The following MPHOSPH8 variants were observed in gnomAD, a reference collection of about 807,000 sequenced individuals.
The protein encoded by MPHOSPH8 is M-phase phosphoprotein 8.
MPHOSPH8 carries 45 observed loss-of-function variants against 87.3 expected under a neutral mutation model. The observed-to-expected ratio is 0.52, with a 90% confidence interval of 0.41 to 0.66. The LOEUF is 0.66. Among genes scored for constraint, MPHOSPH8 ranks in the 30% least tolerant of loss-of-function variants. MPHOSPH8 has a pLI of 0.00. For missense variants in MPHOSPH8, 883 were observed against 1,020.2 expected (o/e 0.87, Z 1.83); for synonymous variants, 366 against 376.9 (o/e 0.97, Z 0.33).
intron 10 of MPHOSPH8, 21 bp from the exon 11 acceptor site, chr13:19,668,356 C>T (rs201254827): frequency 1.1e-5 from 18 of 1,606,620 alleles, no homozygotes; most frequent in Middle Eastern, 3.4e-4. Context: ...AACGTTAACA[C>T]GTACTATTTT....
chr13:19,658,944 T>G (rs575643151), intron 5 of MPHOSPH8, 51 bp from the exon 6 acceptor site: 1 of 1,583,722 alleles, frequency 6.3e-7, no homozygotes, highest in East Asian at 2.2e-5. Context: ...ACATTGTGGG[T>G]TTTTTATACT....
At chr13:19,659,421 T>C (rs1423285654) in intron 7 of MPHOSPH8, 132 bp downstream of exon 7, 4 of 734,498 alleles carry the variant, frequency 5.4e-6, no homozygotes, top group African/African-American at 3.6e-5. Context: ...CCCAGCACTT[T>C]GGGAGGCCGA....
chr13:19,653,655 A>G (rs182948598), intron 5 of MPHOSPH8, among the ~76,000 whole-genome samples: 1 of 152,314 alleles, frequency 6.6e-6, no homozygotes, highest in Admixed American at 6.5e-5. Flanking sequence ...GAAGCTAAGA[A>G]CCTTGAGAAA....
intron 1 of MPHOSPH8, among the ~76,000 whole-genome samples, chr13:19,635,682 A>G (rs1474519465): frequency 6.6e-6 from 1 of 152,182 alleles, no homozygotes; most frequent in Non-Finnish European, 1.5e-5. Context: ...TAAGAAACTT[A>G]TTTGTGTAAG....
chr13:19,635,020 A>C (rs1332565553), intron 1 of MPHOSPH8, among the ~76,000 whole-genome samples: 1 of 152,252 alleles, frequency 6.6e-6, no homozygotes, highest in African/African-American at 2.4e-5. Flanking sequence ...CACAGTTGCT[A>C]ATAGTGGAAA....
chr13:19,633,745 T>G lies in MPHOSPH8; in HGVS notation c.-4T>G, dbSNP rs1873832634. The G allele has an allele frequency of 1.3e-6, 2 of 1,587,250 alleles. No individual in the cohort carries two copies. The highest frequency in any genetic ancestry group is 2.7e-5 in the African/African-American group (2 of 74,660). ...TTTCCTCGGCGGTTTGCGGAGCTGC[T>G]AGGATGGAGCAGGTTGCGGAGGGAG... is the stretch of plus-strand genomic sequence containing the variant. On this transcript the variant is annotated 5_prime_UTR_variant, in exon 1 of 14. Coordinates refer to ENST00000361479, the MANE Select transcript of MPHOSPH8 (RefSeq NM_017520.4).
At chr13:19,658,706 C>T (rs1007196828) in intron 5 of MPHOSPH8, among the ~76,000 whole-genome samples, 4 of 152,188 alleles carry the variant, frequency 2.6e-5, no homozygotes, top group Non-Finnish European at 5.9e-5. Context: ...CCGATCCCTC[C>T]TTCCTTTGAG....
chr13:19,638,342 C>T (rs1368652259), intron 1 of MPHOSPH8, among the ~76,000 whole-genome samples: 1 of 151,840 alleles, frequency 6.6e-6, no homozygotes, highest in Non-Finnish European at 1.5e-5. Context: ...AGGCTGGGCA[C>T]GGTGGCTCAC....
At position 19,673,054 on chromosome 13, in the gene MPHOSPH8, CAAAA is replaced by C. The variant is rs752838814; in HGVS notation, c.*1190_*1193del. ...TGAGTGACAGAATGAGACCTTGTCT[CAAAA>C]AAAAAAAAAAGTTTCTTGGAACCTA... is the stretch of plus-strand genomic sequence containing the variant. On this transcript the variant is annotated 3_prime_UTR_variant, in exon 14 of 14. Transcript: ENST00000361479. 3.3e-5 allele frequency: 13 copies of C among 395,274 alleles called. No homozygotes were observed. The highest frequency in any genetic ancestry group is 2.0e-4 in the African/African-American group (8 of 40,190). The allele number at this position is 395,274 out of a possible 1,614,324, so 24.5% of individuals were successfully genotyped here. A position where few individuals can be genotyped will look rare whatever the true frequency, so the allele number is the denominator to read the frequency against.
rs1355677171 is a variant in MPHOSPH8 at position 19,669,303 on chromosome 13, T to C, written c.2329+772T>C. Among the ~76,000 whole-genome samples the C allele has an allele frequency of 2.0e-5, 3 of 152,046 alleles. No homozygotes were observed. In the East Asian group the frequency reaches 5.8e-4, roughly 30 times the overall value. ...TTCAAGTGATCCGCCTGCCTCAGCCTCCCAAAGTGCTGGGATTACAGGCGT... is the reference window on the plus strand; with the variant it reads ...TTCAAGTGATCCGCCTGCCTCAGCCCCCCAAAGTGCTGGGATTACAGGCGT... On this transcript the variant is annotated intron_variant, in intron 11 of 13. Transcript: ENST00000361479.
At chr13:19,635,346 C>T (rs1312142054) in intron 1 of MPHOSPH8, among the ~76,000 whole-genome samples, 1 of 152,108 alleles carries the variant, frequency 6.6e-6, no homozygotes, top group Non-Finnish European at 1.5e-5. Context: ...TGGTGAAACC[C>T]CGTCTCTACT....
chr13:19,636,507 G>C (rs896105336), intron 1 of MPHOSPH8, among the ~76,000 whole-genome samples: 5 of 150,254 alleles, frequency 3.3e-5, no homozygotes, highest in Middle Eastern at 3.4e-3. Context: ...TTTTGAGACA[G>C]ATTCTCTGTT....
chr13:19,639,930 C>T (rs932082166), intron 1 of MPHOSPH8, among the ~76,000 whole-genome samples: 25 of 152,202 alleles, frequency 1.6e-4, no homozygotes, highest in Non-Finnish European at 2.2e-4. Context: ...CATGCCGAAA[C>T]CCCATCTCTA....
chr13:19,659,755 C>A, intron 7 of MPHOSPH8: 1 of 338,966 alleles, frequency 3.0e-6, no homozygotes, highest in South Asian at 2.4e-5. Context: ...TTAATTCCAA[C>A]CCCCTCCCCT....
At chr13:19,644,733 C>A (rs1031959399) in intron 2 of MPHOSPH8, among the ~76,000 whole-genome samples, 1 of 152,202 alleles carries the variant, frequency 6.6e-6, no homozygotes, top group African/African-American at 2.4e-5. Context: ...ATCTGAATGC[C>A]AGTTGCAGAT....
chr13:19,647,442 A>C (rs1480519346), intron 3 of MPHOSPH8, 151 bp downstream of exon 3: 2 of 627,832 alleles, frequency 3.2e-6, no homozygotes, highest in Non-Finnish European at 5.4e-6. Flanking sequence ...ACCGCAGCTT[A>C]TCTCTTAGTC....
chr13:19,651,623 G>A (rs1041955614), intron 5 of MPHOSPH8, among the ~76,000 whole-genome samples: 10 of 151,960 alleles, frequency 6.6e-5, no homozygotes, highest in Non-Finnish European at 1.2e-4. Flanking sequence ...AAGCCCAGGA[G>A]TTTGAGGCTA....
chr13:19,642,503 T>C (rs1307900108), intron 2 of MPHOSPH8, among the ~76,000 whole-genome samples: 1 of 152,202 alleles, frequency 6.6e-6, no homozygotes, highest in Non-Finnish European at 1.5e-5. Flanking sequence ...GAGATGAATA[T>C]TGATATTTTC....
At chr13:19,641,512 CAG>C (rs1332767749) in intron 1 of MPHOSPH8, among the ~76,000 whole-genome samples, 4 of 96,102 alleles carry the variant, frequency 4.2e-5, no homozygotes, top group African/African-American at 1.7e-4. Flanking sequence ...TTTTTTGAGA[CAG>C]AGTTTCACTC....
Sources: gnomAD v4.1 joint callset for allele counts (sites outside exome capture counted in the v4.1 genomes callset) on GRCh38, gnomAD v4.1.1 for gene constraint, MANE v1.5 for transcripts, NCBI Gene and HGNC (gene_info 2026-07-23, HGNC 2026-07-21) for gene names.